CLASP1: variants seen among roughly 807,000 people sequenced by gnomAD.
CLASP1 encodes the protein CLIP-associating protein 1.
In CLASP1, 38 loss-of-function variants were observed where a neutral mutation model predicts 192.3. That is an observed-to-expected ratio of 0.20 (90% confidence interval 0.15 to 0.26). CLASP1 has a LOEUF of 0.26. Among genes scored for constraint, CLASP1 ranks in the 10% least tolerant of loss-of-function variants. CLASP1 has a pLI of 1.00. For synonymous variants in CLASP1, 691 were observed against 712.8 expected, an observed-to-expected ratio of 0.97 and a Z score of 0.49; for missense variants, 1,433 against 1,932.5, an observed-to-expected ratio of 0.74 and a Z score of 4.85.
chr2:121,547,489 A>C lies in CLASP1; in HGVS notation c.196-17164T>G, dbSNP rs578014823. ...TTGCACTGAGTGACTGCTGACCTGC[A>C]TGTCTCTGGGGTGGAGCCCACAGGA... On this transcript the variant is annotated intron_variant, in intron 2 of 39. Coordinates refer to ENST00000263710, the Ensembl canonical transcript of CLASP1. Among the ~76,000 whole-genome samples, 6 of 151,458 alleles carry C rather than the reference A, an allele frequency of 4.0e-5. No individual in the cohort carries two copies. The South Asian group carries it at 1.3e-3, about 32-fold the overall frequency.
At chr2:121,577,377 A>G (rs1030348935) in intron 2 of CLASP1, among the ~76,000 whole-genome samples, 5 of 152,236 alleles carry the variant, frequency 3.3e-5, no homozygotes, top group African/African-American at 9.6e-5. Flanking sequence ...TAACACATAA[A>G]AAGGAATCCT....
At chr2:121,342,887 T>A (rs1369622507) in intron 39 of CLASP1, among the ~76,000 whole-genome samples, 1 of 152,008 alleles carries the variant, frequency 6.6e-6, no homozygotes, top group Non-Finnish European at 1.5e-5. Flanking sequence ...CAGTGAGTCA[T>A]GATTGTGCCA....
chr2:121,346,180 G>C (rs1478452372), intron 39 of CLASP1, among the ~76,000 whole-genome samples: 1 of 152,212 alleles, frequency 6.6e-6, no homozygotes, highest in East Asian at 1.9e-4. Flanking sequence ...TGATAGAGTG[G>C]TTTGTATAAA....
chr2:121,615,997 GC>G (rs772875010), intron 1 of CLASP1, among the ~76,000 whole-genome samples: 2 of 152,086 alleles, frequency 1.3e-5, no homozygotes, highest in Non-Finnish European at 2.9e-5. Flanking sequence ...AAATGTTTCA[GC>G]TACAGCATGT....
In CLASP1 at chr2:121,548,614, A is replaced by G. The variant is rs186752208; in HGVS notation, c.196-18289T>C. On this transcript the variant is annotated intron_variant, in intron 2 of 39. Transcript: ENST00000263710. ...CACCCCCAAGACACATAATCATCAG[A>G]TTTTCCAAGGCTGAAATGTAAGAAA... Among the ~76,000 whole-genome samples, 303 of 152,286 alleles carry G rather than the reference A, an allele frequency of 2.0e-3. 2 individuals are homozygous for G. The highest frequency in any genetic ancestry group is 3.6e-3 in the Non-Finnish European group (245 of 68,016).
chr2:121,581,436 G>A (rs562794062), intron 2 of CLASP1, among the ~76,000 whole-genome samples: 5 of 151,102 alleles, frequency 3.3e-5, no homozygotes, highest in South Asian at 4.2e-4. Flanking sequence ...CACCACGCCC[G>A]GCTAATTTTT....
chr2:121,466,218 T>C (rs943212469), intron 9 of CLASP1, among the ~76,000 whole-genome samples: 6 of 152,352 alleles, frequency 3.9e-5, no homozygotes, highest in Non-Finnish European at 1.5e-5. Context: ...AAATGGCTAA[T>C]TTTATGTTAT....
At chr2:121,479,039 A>C (rs2092350334) in intron 8 of CLASP1, among the ~76,000 whole-genome samples, 2 of 68,516 alleles carry the variant, frequency 2.9e-5, no homozygotes, top group East Asian at 4.5e-4. Context: ...CACCCCACAC[A>C]CACACACACC....
At chr2:121,583,275 C>A (rs1337773914) in intron 2 of CLASP1, among the ~76,000 whole-genome samples, 2 of 152,166 alleles carry the variant, frequency 1.3e-5, no homozygotes, top group East Asian at 3.8e-4. Context: ...TTACCATACT[C>A]CCTAAACAAT....
chr2:121,377,468 C>G (rs754901564), intron 34 of CLASP1, 31 bp downstream of exon 35: 1 of 1,551,992 alleles, frequency 6.4e-7, no homozygotes, highest in Middle Eastern at 1.7e-4. Context: ...TTAACTCATA[C>G]AGAGTTCTCT....
intron 1 of CLASP1, among the ~76,000 whole-genome samples, chr2:121,620,381 C>G (rs2067134940): frequency 1.3e-5 from 2 of 151,782 alleles, no homozygotes. Flanking sequence ...GATGAAGTCT[C>G]GTTCTGTTGC....
intron 2 of CLASP1, among the ~76,000 whole-genome samples, chr2:121,594,325 T>C (rs1477035677): frequency 6.6e-6 from 1 of 151,558 alleles, no homozygotes; most frequent in East Asian, 2.0e-4. Context: ...TTCTTGTTGC[T>C]ATAAAGGACA....
intron 20 of CLASP1, among the ~76,000 whole-genome samples, chr2:121,427,772 G>C (rs2080699979): frequency 6.6e-6 from 1 of 152,184 alleles, no homozygotes; most frequent in South Asian, 2.1e-4. Flanking sequence ...CACATAGTAA[G>C]TGCTCAATAA....
chr2:121,400,993 T>C (rs2076083741), intron 28 of CLASP1, among the ~76,000 whole-genome samples: 1 of 152,218 alleles, frequency 6.6e-6, no homozygotes, highest in South Asian at 2.1e-4. Flanking sequence ...TTCTAACTTT[T>C]CTGGGCTTCA....
At position 121,431,414 on chromosome 2, in the gene CLASP1, A is replaced by T. The variant is rs117354630; in HGVS notation, c.1913-1237T>A. On this transcript the variant is annotated intron_variant, in intron 19 of 39. Transcript: ENST00000263710. ...AGATGAGAAAACCGAGAAACAGGGAAATTAATTAATTTGTTCAATGTGACA... is the reference window on the plus strand; with the variant it reads ...AGATGAGAAAACCGAGAAACAGGGATATTAATTAATTTGTTCAATGTGACA... 9.0e-4 allele frequency among the ~76,000 whole-genome samples: 137 copies of T among 152,290 alleles called. 3 individuals carry two copies. The East Asian group carries it at 0.023, about 26-fold the overall frequency.
chr2:121,529,890 G>A (rs959367563), intron 3 of CLASP1, among the ~76,000 whole-genome samples: 10 of 152,154 alleles, frequency 6.6e-5, no homozygotes, highest in Admixed American at 3.3e-4. Flanking sequence ...AGCTAATTTA[G>A]CATAAGAAAT....
chr2:121,448,626 C>T (rs1010458599), intron 17 of CLASP1, among the ~76,000 whole-genome samples: 2 of 152,224 alleles, frequency 1.3e-5, no homozygotes, highest in Non-Finnish European at 2.9e-5. Flanking sequence ...CCAAACTTGT[C>T]TCCAGGTTCA....
chr2:121,405,712 A>AGGG (rs1261987388), intron 25 of CLASP1, among the ~76,000 whole-genome samples: 2 of 138,786 alleles, frequency 1.4e-5, no homozygotes, highest in African/African-American at 6.7e-5. Context: ...GAATCTACAA[A>AGGG]GTGGGACCAC....
chr2:121,519,726 G>A (rs2094413425), intron 6 of CLASP1, among the ~76,000 whole-genome samples: 1 of 152,116 alleles, frequency 6.6e-6, no homozygotes, highest in Admixed American at 6.5e-5. Context: ...TCGTTCCTTA[G>A]ACCTAGAAAG....
Sources: allele counts gnomAD v4.1 joint callset (sites outside exome capture counted in the v4.1 genomes callset), GRCh38; gene constraint gnomAD v4.1.1; transcripts MANE v1.5; gene names NCBI Gene and HGNC (gene_info 2026-07-23, HGNC 2026-07-21).